The following EXOC6B variants were observed in gnomAD, a reference collection of about 807,000 sequenced individuals.
The protein encoded by EXOC6B is SEC15 homolog B.
A neutral mutation model predicts 113.5 loss-of-function variants in EXOC6B; 54 were observed. The observed-to-expected ratio is 0.48, with a 90% CI of 0.38 to 0.60. The LOEUF is 0.60. Ranked by LOEUF, EXOC6B falls within the 20% of genes least tolerant of loss-of-function variation. The pLI is 0.00. For synonymous variants in EXOC6B, 357 were observed against 339.0 expected, an observed-to-expected ratio of 1.05 and a Z score of -0.58; for missense variants, 797 against 977.5, an observed-to-expected ratio of 0.82 and a Z score of 2.46.
intron 20 of EXOC6B, among the ~76,000 whole-genome samples, chr2:72,309,201 G>A (rs995379358): frequency 3.9e-5 from 6 of 152,030 alleles, no homozygotes. Flanking sequence ...TTTTCTAGAA[G>A]GAAAGCAAGA....
At chr2:72,786,988 A>G (rs1009723532) in intron 1 of EXOC6B, among the ~76,000 whole-genome samples, 1 of 152,176 alleles carries the variant, frequency 6.6e-6, no homozygotes, top group Non-Finnish European at 1.5e-5. Flanking sequence ...CTTATGAACT[A>G]TAGGAACTAA....
intron 6 of EXOC6B, among the ~76,000 whole-genome samples, chr2:72,658,590 C>T (rs1000869056): frequency 6.6e-6 from 1 of 151,818 alleles, no homozygotes; most frequent in Non-Finnish European, 1.5e-5. Flanking sequence ...CAACATAGAG[C>T]TTCCACTTGC....
chr2:72,214,174 C>T (rs1318613428), intron 20 of EXOC6B, among the ~76,000 whole-genome samples: 4 of 135,372 alleles, frequency 3.0e-5, no homozygotes, highest in African/African-American at 1.0e-4. Flanking sequence ...ACAGGATGTG[C>T]TAAGTATCCT....
At chr2:72,249,984 T>C (rs966307474) in intron 20 of EXOC6B, among the ~76,000 whole-genome samples, 1 of 152,232 alleles carries the variant, frequency 6.6e-6, no homozygotes, top group African/African-American at 2.4e-5. Context: ...GTAAGCTTCC[T>C]GAATGTAGTG....
At chr2:72,543,588 C>T (rs865975727) in intron 8 of EXOC6B, among the ~76,000 whole-genome samples, 19 of 152,160 alleles carry the variant, frequency 1.2e-4, no homozygotes, top group African/African-American at 4.3e-4. Context: ...GATATGTATG[C>T]CCATGGGTAA....
At chr2:72,674,206 T>G (rs916159656) in intron 6 of EXOC6B, among the ~76,000 whole-genome samples, 3 of 152,144 alleles carry the variant, frequency 2.0e-5, no homozygotes, top group Non-Finnish European at 4.4e-5. Flanking sequence ...TTCAGCTATC[T>G]CACTTCACCT....
At chr2:72,650,316 A>G (rs1366142615) in intron 6 of EXOC6B, among the ~76,000 whole-genome samples, 1 of 152,190 alleles carries the variant, frequency 6.6e-6, no homozygotes, top group East Asian at 1.9e-4. Context: ...AAATAGATAA[A>G]AGAGGCTGGG....
chr2:72,416,839 G>C (rs1312313940), intron 18 of EXOC6B, among the ~76,000 whole-genome samples: 6 of 152,098 alleles, frequency 3.9e-5, no homozygotes, highest in South Asian at 4.1e-4. Flanking sequence ...AGGCACACAA[G>C]TCATTAACAA....
rs1483976919 is a variant in EXOC6B, at chr2:72,177,418, T to C, written c.*1917A>G. On this transcript the variant is annotated 3_prime_UTR_variant, in exon 22 of 22. Transcript: ENST00000272427. ...AGTGTTTTGAACTCTTCTCAAGCAA[T>C]AGAACTTCAGATTAATATAATCGTT... The C allele has an allele frequency of 6.6e-6, 1 of 152,244 alleles. No homozygotes were observed. The highest frequency in any genetic ancestry group is 2.4e-5 in the African/African-American group (1 of 41,470). The allele number at this position is 152,244 out of a possible 1,614,324, so 9.4% of individuals were successfully genotyped here. A position where few individuals can be genotyped will look rare whatever the true frequency, so the allele number is the denominator to read the frequency against.
intron 20 of EXOC6B, among the ~76,000 whole-genome samples, chr2:72,295,029 G>C (rs1387633480): frequency 1.3e-5 from 2 of 151,780 alleles, no homozygotes; most frequent in Non-Finnish European, 2.9e-5. Context: ...TCAGGAAATC[G>C]AGACCGTCCT....
intron 17 of EXOC6B, among the ~76,000 whole-genome samples, chr2:72,470,764 A>G (rs897006229): frequency 6.6e-6 from 1 of 151,228 alleles, no homozygotes; most frequent in Non-Finnish European, 1.5e-5. Context: ...GATGGTTTCC[A>G]GCTTCATCCA....
At chr2:72,290,944 A>G in intron 20 of EXOC6B, among the ~76,000 whole-genome samples, 1 of 152,168 alleles carries the variant, frequency 6.6e-6, no homozygotes, top group East Asian at 1.9e-4. Flanking sequence ...TGTAATCTTT[A>G]ATAATATGCA....
chr2:72,507,877 G>T (rs1056739880), intron 11 of EXOC6B, among the ~76,000 whole-genome samples: 2 of 151,228 alleles, frequency 1.3e-5, no homozygotes, highest in African/African-American at 4.9e-5. Flanking sequence ...AGAAGAGAGG[G>T]TGCATTTTTG....
chr2:72,230,480 C>T (rs921220944), intron 20 of EXOC6B, among the ~76,000 whole-genome samples: 2 of 152,114 alleles, frequency 1.3e-5, no homozygotes, highest in African/African-American at 4.8e-5. Flanking sequence ...TTTATTTCAC[C>T]TCTATTCTAC....
intron 20 of EXOC6B, among the ~76,000 whole-genome samples, chr2:72,203,430 C>T (rs961830947): frequency 6.6e-6 from 1 of 152,134 alleles, no homozygotes; most frequent in Non-Finnish European, 1.5e-5. Context: ...TACTTAGCAT[C>T]GAGTATAGTC....
chr2:72,638,273 T>C (rs115135362), intron 6 of EXOC6B, among the ~76,000 whole-genome samples: 2,198 of 152,236 alleles, frequency 0.014, 50 homozygotes, highest in African/African-American at 0.05. Flanking sequence ...GATACATTCC[T>C]AGATGCAAAC....
At chr2:72,260,720 CT>C in intron 20 of EXOC6B, among the ~76,000 whole-genome samples, 1 of 152,142 alleles carries the variant, frequency 6.6e-6, no homozygotes, top group East Asian at 1.9e-4. Flanking sequence ...TTCTTGGTAA[CT>C]TAATCCTTGA....
chr2:72,224,008 T>G (rs1363632426), intron 20 of EXOC6B, among the ~76,000 whole-genome samples: 2 of 152,212 alleles, frequency 1.3e-5, no homozygotes, highest in African/African-American at 4.8e-5. Context: ...GTTTAATTTC[T>G]CTCCTATTTT....
intron 1 of EXOC6B, among the ~76,000 whole-genome samples, chr2:72,824,245 G>C (rs1424954401): frequency 2.0e-5 from 3 of 151,948 alleles, no homozygotes; most frequent in Non-Finnish European, 4.4e-5. Context: ...ACTTAGCCAG[G>C]TGTGGTGGTG....
Sources: gnomAD v4.1 joint callset for allele counts (sites outside exome capture counted in the v4.1 genomes callset) on GRCh38, gnomAD v4.1.1 for gene constraint, MANE v1.5 for transcripts, NCBI Gene and HGNC (gene_info 2026-07-23, HGNC 2026-07-21) for gene names.